NR3C1: variants seen among roughly 807,000 people sequenced by gnomAD.
NR3C1 encodes glucocorticoid receptor.
Under a neutral mutation model 74.0 loss-of-function variants are expected in NR3C1, and 14 were observed. That is an observed-to-expected ratio of 0.19 (90% CI 0.12 to 0.30). NR3C1 has a LOEUF of 0.30. Among genes scored for constraint, NR3C1 ranks in the 10% least tolerant of loss-of-function variants. The pLI is 1.00. For missense variants in NR3C1, 695 were observed against 909.8 expected, an observed-to-expected ratio of 0.76 and a Z score of 3.04; for synonymous variants, 308 against 332.5, an observed-to-expected ratio of 0.93 and a Z score of 0.80.
chr5:143,358,740 A>G (rs1047551741), intron 2 of NR3C1, among the ~76,000 whole-genome samples: 1 of 152,116 alleles, frequency 6.6e-6, no homozygotes, highest in Admixed American at 6.5e-5. Flanking sequence ...CGTCTCTACT[A>G]AAATTCAAAA....
chr5:143,428,205 T>C (rs918864340), intron 1 of NR3C1, among the ~76,000 whole-genome samples: 3 of 152,210 alleles, frequency 2.0e-5, no homozygotes, highest in Admixed American at 6.5e-5. Flanking sequence ...AAATGCCATC[T>C]TGTGAAGCCC....
upstream of NR3C1, chr5:143,404,112 G>A (rs912352854): frequency 2.6e-5 from 26 of 985,384 alleles, no homozygotes; most frequent in South Asian, 4.7e-4. Flanking sequence ...CTGCCCCTTG[G>A]CGGCAAGCGC....
chr5:143,350,035 C>A (rs1324470534), intron 2 of NR3C1, among the ~76,000 whole-genome samples: 4 of 152,176 alleles, frequency 2.6e-5, no homozygotes, highest in Middle Eastern at 6.8e-3. Context: ...TATGCAAAGA[C>A]ACAGAGCCAA....
chr5:143,303,077 A>C (rs1393662373), intron 4 of NR3C1, among the ~76,000 whole-genome samples: 4 of 152,110 alleles, frequency 2.6e-5, no homozygotes, highest in Non-Finnish European at 5.9e-5. Flanking sequence ...CCAAATAAGC[A>C]CAATAAAAAA....
At chr5:143,303,369 T>C (rs1049423988) in intron 4 of NR3C1, among the ~76,000 whole-genome samples, 1 of 151,832 alleles carries the variant, frequency 6.6e-6, no homozygotes, top group African/African-American at 2.4e-5. Flanking sequence ...CCTGCCTAGA[T>C]TGAACCAGGA....
At chr5:143,297,063 T>TAAGA (rs1377129957) in intron 6 of NR3C1, among the ~76,000 whole-genome samples, 1 of 103,140 alleles carries the variant, frequency 9.7e-6, no homozygotes, top group African/African-American at 4.0e-5. Context: ...GGTGACAGAG[T>TAAGA]AAGACTCGTC....
intron 2 of NR3C1, among the ~76,000 whole-genome samples, chr5:143,359,389 G>A (rs1176796563): frequency 6.6e-6 from 1 of 152,140 alleles, no homozygotes; most frequent in Non-Finnish European, 1.5e-5. Flanking sequence ...TGCCTACAAT[G>A]AGTCTCTAGA....
At chr5:143,356,151 T>C (rs897170188) in intron 2 of NR3C1, among the ~76,000 whole-genome samples, 1 of 152,198 alleles carries the variant, frequency 6.6e-6, no homozygotes. Flanking sequence ...TAGCCCTCAA[T>C]AGACAAACTT....
rs190663074 is a variant in NR3C1 at position 143,323,769 on chromosome 5, G to A, written c.1185-9601C>T. 1.8e-3 allele frequency among the ~76,000 whole-genome samples: 279 copies of A among 152,200 alleles called. 1 individual carries two copies. The highest frequency in any genetic ancestry group is 6.1e-3 in the African/African-American group (255 of 41,512). On this transcript the variant is annotated intron_variant, in intron 2 of 8. Coordinates refer to ENST00000394464, the MANE Select transcript of NR3C1 (RefSeq NM_000176.3). The stretch of plus-strand genomic sequence containing the variant: ...AAGCTAGTTACTTCCAGATACAAGG[G>A]CCGGAGGGATGGGGGGCAGGGGGTA...
intron 2 of NR3C1, among the ~76,000 whole-genome samples, chr5:143,365,667 C>T (rs1833059261): frequency 6.6e-6 from 1 of 152,118 alleles, no homozygotes; most frequent in Non-Finnish European, 1.5e-5. Flanking sequence ...ACCAACACAC[C>T]TGTCAAACAC....
intron 1 of NR3C1, among the ~76,000 whole-genome samples, chr5:143,428,255 CT>C (rs1292709878): frequency 6.6e-6 from 1 of 152,200 alleles, no homozygotes; most frequent in Non-Finnish European, 1.5e-5. Flanking sequence ...AAAATGCCAT[CT>C]CATTCAGGAG....
intron 7 of NR3C1, among the ~76,000 whole-genome samples, chr5:143,288,134 T>C (rs919390963): frequency 6.6e-6 from 1 of 151,972 alleles, no homozygotes; most frequent in Non-Finnish European, 1.5e-5. Flanking sequence ...TTTTTTTTTT[T>C]TGGAGACGGA....
At chr5:143,295,091 G>A in intron 7 of NR3C1, 1 of 985,238 alleles carries the variant, frequency 1.0e-6, no homozygotes, top group Non-Finnish European at 1.2e-6. Flanking sequence ...TACTCATTAG[G>A]AAACTAAAAT....
intron 2 of NR3C1, among the ~76,000 whole-genome samples, chr5:143,352,577 T>C (rs1830425157): frequency 6.6e-6 from 1 of 152,190 alleles, no homozygotes; most frequent in Non-Finnish European, 1.5e-5. Context: ...ATATTTCAGG[T>C]TCGGTTCTAG....
intron 5 of NR3C1, among the ~76,000 whole-genome samples, 171 bp from the exon 6 acceptor site, chr5:143,298,983 T>C (rs1817876376): frequency 6.7e-6 from 1 of 150,098 alleles, no homozygotes; most frequent in African/African-American, 2.4e-5. Context: ...TCTGACACTT[T>C]AAGACTCACA....
chr5:143,397,339 T>C (rs1317504752), intron 2 of NR3C1, among the ~76,000 whole-genome samples: 2 of 151,908 alleles, frequency 1.3e-5, no homozygotes, highest in Admixed American at 6.6e-5. Flanking sequence ...CTCAATGTGT[T>C]GATTATTTGC....
At chr5:143,291,873 G>A (rs1816021505) in intron 7 of NR3C1, among the ~76,000 whole-genome samples, 3 of 152,012 alleles carry the variant, frequency 2.0e-5, no homozygotes, top group Admixed American at 6.6e-5. Flanking sequence ...TTTTTCCATT[G>A]GAGCCTTTAA....
intron 2 of NR3C1, among the ~76,000 whole-genome samples, chr5:143,345,606 C>A (rs1299439248): frequency 6.6e-6 from 1 of 152,166 alleles, no homozygotes; most frequent in African/African-American, 2.4e-5. Context: ...AGCAAGCCTG[C>A]CCTAATTATT....
chr5:143,374,221 G>A lies in NR3C1; in HGVS notation c.1184+25435C>T, dbSNP rs190057263. On this transcript the variant is annotated intron_variant, in intron 2 of 8. Coordinates refer to ENST00000394464, the MANE Select transcript of NR3C1 (RefSeq NM_000176.3). ...ACATAGTGAGTAAAGGGCCGGGTGTGGTGGCTCACGCCTGTAATCCCAGCA... is the reference window on the plus strand; with the variant it reads ...ACATAGTGAGTAAAGGGCCGGGTGTAGTGGCTCACGCCTGTAATCCCAGCA... Among the ~76,000 whole-genome samples, 669 of 152,300 alleles carry A rather than the reference G, an allele frequency of 4.4e-3. 2 individuals are homozygous for A. Among genetic ancestry groups the A allele is most frequent in the African/African-American group, 0.015 (637 of 41,570 alleles).
Sources: gnomAD v4.1 joint callset for allele counts (sites outside exome capture counted in the v4.1 genomes callset) on GRCh38, gnomAD v4.1.1 for gene constraint, MANE v1.5 for transcripts, NCBI Gene and HGNC (gene_info 2026-07-23, HGNC 2026-07-21) for gene names.